FRMD6: variants seen among roughly 807,000 people sequenced by gnomAD.
FRMD6 encodes the protein FERM domain containing 6, also known as FERM domain-containing protein 6.
A neutral mutation model predicts 73.2 loss-of-function variants in FRMD6; 37 were observed. The ratio of observed to expected loss-of-function variants is 0.51; its 90% confidence interval spans 0.39 to 0.66. FRMD6 has a LOEUF of 0.66. Among genes scored for constraint, FRMD6 ranks in the 30% least tolerant of loss-of-function variants. The pLI is 0.00. For missense variants in FRMD6, 714 were observed against 780.5 expected (o/e 0.91, Z 1.02); for synonymous variants, 273 against 282.2 (o/e 0.97, Z 0.33).
intron 1 of FRMD6, among the ~76,000 whole-genome samples, chr14:51,679,610 A>ATACTATTTTGTGTATTAAGT (rs1213789415): frequency 6.7e-6 from 1 of 149,314 alleles, no homozygotes; most frequent in East Asian, 1.9e-4. Flanking sequence ...TATCAAAATA[A>ATACTATTTTGTGTATTAAGT]GTGCCTGAAA....
intron 1 of FRMD6, among the ~76,000 whole-genome samples, chr14:51,550,656 A>T (rs1033693693): frequency 6.7e-6 from 1 of 149,588 alleles, no homozygotes; most frequent in Non-Finnish European, 1.5e-5. Context: ...GAAGGGCGGG[A>T]TAGTGAGTGG....
At chr14:51,720,932 C>T (rs17124450) in intron 11 of FRMD6, among the ~76,000 whole-genome samples, 43,170 of 152,122 alleles carry the variant, frequency 0.28, 6,525 homozygotes, top group African/African-American at 0.38. Context: ...AATCCTATGG[C>T]TTATCTTAGC....
intron 1 of FRMD6, among the ~76,000 whole-genome samples, chr14:51,525,180 A>T: frequency 6.6e-6 from 1 of 151,394 alleles, no homozygotes; most frequent in Non-Finnish European, 1.5e-5. Context: ...GGATGGATGG[A>T]TGGATGGATA....
chr14:51,404,755 A>G, the FRMD6 span, among the ~76,000 whole-genome samples: 7 of 152,176 alleles, frequency 4.6e-5, no homozygotes, highest in Non-Finnish European at 8.8e-5. Flanking sequence ...TTTAGTTGAT[A>G]TACTATATTA....
chr14:51,508,389 G>A lies in FRMD6; in HGVS notation c.-210+18969G>A, dbSNP rs1008716877. Among the ~76,000 whole-genome samples, 3 of 152,354 alleles carry A rather than the reference G, an allele frequency of 2.0e-5. No individual in the cohort carries two copies. The South Asian group carries it at 6.2e-4, about 32-fold the overall frequency. On this transcript the variant is annotated intron_variant, in intron 1 of 14. Coordinates refer to the FRMD6 transcript ENST00000356218. ...AAGAAAATCTGCTTTGTGAACAGGG[G>A]AAGAAGCCTCTTTTATACTTTCTGC...
rs562899121 is a variant in FRMD6, at chr14:51,624,219, T to TG, written c.-147+53811dup. Among the ~76,000 whole-genome samples, 4 of 152,232 alleles carry TG rather than the reference T, an allele frequency of 2.6e-5. No homozygotes were observed. In the South Asian group the frequency reaches 8.3e-4, roughly 32 times the overall value. On this transcript the variant is annotated intron_variant, in intron 2 of 14. Coordinates refer to the FRMD6 transcript ENST00000356218. The stretch of plus-strand genomic sequence containing the variant: ...GATACTAGGCTTAATACCTGCTGGG[T>TG]GGAAAAATCTGCAAAATGAACCCCC...
intron 13 of FRMD6, among the ~76,000 whole-genome samples, chr14:51,727,285 A>G (rs1898022460): frequency 6.6e-6 from 1 of 151,034 alleles, no homozygotes; most frequent in Admixed American, 6.6e-5. Flanking sequence ...TTGGCCTAAA[A>G]GGTCTGAATT....
At chr14:51,673,520 A>G (rs1894170227) in intron 1 of FRMD6, among the ~76,000 whole-genome samples, 1 of 152,166 alleles carries the variant, frequency 6.6e-6, no homozygotes, top group Admixed American at 6.6e-5. Context: ...TTGGGGAATC[A>G]TTAGGCTCAC....
chr14:51,429,682 A>G, the FRMD6 span, among the ~76,000 whole-genome samples: 6 of 152,198 alleles, frequency 3.9e-5, no homozygotes, highest in African/African-American at 1.4e-4. Context: ...AAAACTTGAC[A>G]AAGTCCCAGC....
intron 1 of FRMD6, among the ~76,000 whole-genome samples, chr14:51,671,782 C>T (rs1048617938): frequency 4.6e-5 from 7 of 152,170 alleles, no homozygotes; most frequent in Non-Finnish European, 1.0e-4. Flanking sequence ...AAGATGAAGC[C>T]TGCAGGGGCA....
the FRMD6 span, among the ~76,000 whole-genome samples, chr14:51,430,793 A>G: frequency 6.6e-6 from 1 of 152,192 alleles, no homozygotes; most frequent in African/African-American, 2.4e-5. Context: ...TACCATTTGT[A>G]TTCAAGGGAT....
intron 1 of FRMD6, among the ~76,000 whole-genome samples, chr14:51,492,375 G>C (rs1312135023): frequency 6.6e-6 from 1 of 152,080 alleles, no homozygotes; most frequent in Non-Finnish European, 1.5e-5. Context: ...GTTCCTGTGT[G>C]TATCTATAGG....
chr14:51,487,382 T>C (rs1163159239), upstream of FRMD6, among the ~76,000 whole-genome samples: 1 of 152,264 alleles, frequency 6.6e-6, no homozygotes, highest in East Asian at 1.9e-4. Context: ...CTGCTGACTA[T>C]ATGAAAACAA....
intron 2 of FRMD6, among the ~76,000 whole-genome samples, chr14:51,621,764 A>G (rs1429110181): frequency 6.6e-6 from 1 of 152,180 alleles, no homozygotes; most frequent in East Asian, 1.9e-4. Flanking sequence ...TAAGTAGGTC[A>G]ATGTGATTAC....
At chr14:51,721,745 A>G (rs544050608) in intron 11 of FRMD6, among the ~76,000 whole-genome samples, 36 of 38,630 alleles carry the variant, frequency 9.3e-4, no homozygotes, top group African/African-American at 4.1e-3. Flanking sequence ...GGAGGAAGGA[A>G]GGGAGGAAGG....
intron 1 of FRMD6, among the ~76,000 whole-genome samples, chr14:51,509,690 G>T (rs576564319): frequency 6.6e-6 from 1 of 151,874 alleles, no homozygotes; most frequent in Non-Finnish European, 1.5e-5. Context: ...GCAGTGGTGC[G>T]ATCTCGGCTC....
intron 2 of FRMD6, among the ~76,000 whole-genome samples, chr14:51,613,958 T>G (rs1356140201): frequency 6.6e-6 from 1 of 152,194 alleles, no homozygotes; most frequent in African/African-American, 2.4e-5. Flanking sequence ...TTTTTATCAC[T>G]ATCGCTCAAA....
chr14:51,442,085 C>T, the FRMD6 span, among the ~76,000 whole-genome samples: 1 of 152,064 alleles, frequency 6.6e-6, no homozygotes, highest in African/African-American at 2.4e-5. Flanking sequence ...AGTGTAAGGA[C>T]CGTTTTTATC....
At chr14:51,722,612 A>G (rs1329190591) in intron 12 of FRMD6, among the ~76,000 whole-genome samples, 1 of 152,180 alleles carries the variant, frequency 6.6e-6, no homozygotes, top group African/African-American at 2.4e-5. Context: ...ATTCGTATGA[A>G]TTCCTGTAGA....
Sources: gnomAD v4.1 joint callset for allele counts (sites outside exome capture counted in the v4.1 genomes callset) on GRCh38, gnomAD v4.1.1 for gene constraint, MANE v1.5 for transcripts, NCBI Gene and HGNC (gene_info 2026-07-23, HGNC 2026-07-21) for gene names.